Variants in ASXL1 observed in about 807,000 individuals in gnomAD.
ASXL1 encodes polycomb group protein ASXL1.
A neutral mutation model predicts 89.1 loss-of-function variants in ASXL1; 65 were observed. The ratio of observed to expected loss-of-function variants is 0.73; its 90% confidence interval spans 0.60 to 0.90. The LOEUF is 0.90. ASXL1 is among the 40% of genes least tolerant of loss of function. ASXL1 has a pLI of 0.00. For missense variants in ASXL1, 1,786 were observed against 1,942.9 expected (o/e 0.92, Z 1.52); for synonymous variants, 739 against 746.9 (o/e 0.99, Z 0.17).
At chr20:32,379,074 C>G (rs1486587431) in intron 4 of ASXL1, among the ~76,000 whole-genome samples, 1 of 149,520 alleles carries the variant, frequency 6.7e-6, no homozygotes, top group East Asian at 2.0e-4. Flanking sequence ...GAGTGAGACT[C>G]TGTCTCTCAC....
intron 4 of ASXL1, among the ~76,000 whole-genome samples, chr20:32,393,227 T>C (rs910444376): frequency 1.3e-5 from 2 of 152,234 alleles, no homozygotes; most frequent in African/African-American, 2.4e-5. Flanking sequence ...GTCGTCATCT[T>C]GATGAATTGG....
At chr20:32,368,542 A>G (rs1465942865) in intron 3 of ASXL1, among the ~76,000 whole-genome samples, 1 of 152,214 alleles carries the variant, frequency 6.6e-6, no homozygotes, top group African/African-American at 2.4e-5. Flanking sequence ...TTAACTGGAA[A>G]AAAAGTTCTG....
chr20:32,434,620 G>A lies in ASXL1; in HGVS notation c.1908G>A (p.Ala636=), dbSNP rs562455536. The change falls in exon 13 of 13, where the codon GCG becomes GCA. Residue 636 remains alanine (A), a synonymous_variant. Transcript: ENST00000375687. ...GARGHHCHRE[A]ATTAIGGGGG... ...GAGGTCACCACTGCCATAGAGAGGC[G>A]GCCACCACTGCCATCGGAGGGGGGG... is the stretch of plus-strand genomic sequence containing the variant. 2.2e-5 allele frequency: 36 copies of A among 1,609,682 alleles called. No individual in the cohort carries two copies. The highest frequency in any genetic ancestry group is 2.9e-5 in the Non-Finnish European group (34 of 1,177,916).
intron 4 of ASXL1, among the ~76,000 whole-genome samples, chr20:32,379,800 T>C (rs1051612139): frequency 6.6e-6 from 1 of 150,436 alleles, no homozygotes; most frequent in African/African-American, 2.4e-5. Flanking sequence ...CACTCCAGCC[T>C]GGGTGACAGA....
intron 4 of ASXL1, among the ~76,000 whole-genome samples, chr20:32,415,369 TC>T (rs2049120438): frequency 6.6e-6 from 1 of 152,164 alleles, no homozygotes; most frequent in Admixed American, 6.5e-5. Flanking sequence ...CCATGCCCCA[TC>T]CCTTGAGCTG....
chr20:32,381,979 G>A (rs1342125633), intron 4 of ASXL1, among the ~76,000 whole-genome samples: 3 of 109,234 alleles, frequency 2.7e-5, no homozygotes, highest in Non-Finnish European at 3.7e-5. Flanking sequence ...TTTTGAGACA[G>A]AATTTTGGTT....
In ASXL1 at chr20:32,431,382, C is replaced by G. The variant is rs2011507994; in HGVS notation, c.780C>G (p.Val260=). The G allele has an allele frequency of 6.2e-7, 1 of 1,614,074 alleles. No individual in the cohort carries two copies. The highest frequency in any genetic ancestry group is 8.5e-7 in the Non-Finnish European group (1 of 1,180,046). The part of the protein sequence containing the change: ...IDFETPGSIL[V]NTNLRALINS... Reference sequence around the variant, plus strand: ...TTGAGACACCTGGGTCCATTCTTGTCAACACCAACCTCCGTGCCCTGATCA... The same window carrying G: ...TTGAGACACCTGGGTCCATTCTTGTGAACACCAACCTCCGTGCCCTGATCA... The change falls in exon 9 of 13, where the codon GTC becomes GTG. Residue 260 remains valine (V), a synonymous_variant. Transcript: ENST00000375687.
chr20:32,411,031 C>CAAAAAAAAAAAAAAAAAAAAAAA (rs1257482301), intron 4 of ASXL1, among the ~76,000 whole-genome samples: 2 of 27,682 alleles, frequency 7.2e-5, no homozygotes, highest in African/African-American at 2.1e-4. Flanking sequence ...GACTCTGTCT[C>CAAAAAAAAAAAAAAAAAAAAAAA]AAAAAAAAAA....
Position 32,435,511 on chromosome 20 carries a change from T to TG in ASXL1, c.2800dup (p.Ala934GlyfsTer14). 6.2e-7 allele frequency: 1 copy of TG among 1,614,038 alleles called. No individual in the cohort carries two copies. The highest frequency in any genetic ancestry group is 8.5e-7 in the Non-Finnish European group (1 of 1,180,028). On this transcript the variant is annotated frameshift_variant, in exon 13 of 13. Coordinates refer to ENST00000375687, the MANE Select transcript of ASXL1 (RefSeq NM_015338.6). LOFTEE classifies it low-confidence loss of function (END_TRUNC). ...AGGTTGGAGAGGAGTGGGAGAAAGC[T>TG]GCTCCCACCCCTCCTGCATTGCCTG...
At chr20:32,375,670 GT>G (rs1179730324) in intron 4 of ASXL1, among the ~76,000 whole-genome samples, 1 of 149,332 alleles carries the variant, frequency 6.7e-6, no homozygotes, top group African/African-American at 2.4e-5. Context: ...TAAGTAGTTT[GT>G]TTTTTTTGTT....
In ASXL1 at chr20:32,433,529, C is replaced by A. The variant is rs373126831; in HGVS notation, c.1331C>A (p.Ser444Ter). ...GCTAAGGATGCAAAATCTGTGGCCT[C>A]AGATGTTCCCCTCTACAAGGATGGG... ...GVAKDAKSVASDVPLYKDGEA... is the reference protein window; with the variant it reads ...GVAKDAKSVA The change falls in exon 12 of 13, where the codon TCA (serine) becomes TAA (stop). Residue 444 changes from serine (S) to a stop codon, truncating the protein, a stop_gained. Transcript: ENST00000375687. LOFTEE classifies it high-confidence loss of function. The A allele has an allele frequency of 1.2e-6, 2 of 1,614,086 alleles. No homozygotes were observed. The highest frequency in any genetic ancestry group is 1.7e-6 in the Non-Finnish European group (2 of 1,180,042).
At chr20:32,393,040 TATAGAC>T (rs59628237) in intron 4 of ASXL1, among the ~76,000 whole-genome samples, 52,774 of 151,492 alleles carry the variant, frequency 0.35, 10,165 homozygotes, top group East Asian at 0.73. Flanking sequence ...TTCTATCAGT[TATAGAC>T]AGAGGGTGTT....
At position 32,387,535 on chromosome 20, in the gene ASXL1, G is replaced by A. The variant is rs561113762; in HGVS notation, c.252+18412G>A. Among the ~76,000 whole-genome samples the A allele has an allele frequency of 9.8e-5, 15 of 152,286 alleles. No homozygotes were observed. In the South Asian group the frequency reaches 2.9e-3, roughly 29 times the overall value. On this transcript the variant is annotated intron_variant, in intron 4 of 12. Coordinates refer to ENST00000375687, the MANE Select transcript of ASXL1 (RefSeq NM_015338.6). ...TTTTACTTCGATGCATGGTTCTGAA[G>A]TAGAGATGTCTATCTCCTGATGCAC... is the stretch of plus-strand genomic sequence containing the variant.
chr20:32,386,639 AG>A (rs2048583546), intron 4 of ASXL1, among the ~76,000 whole-genome samples: 1 of 152,090 alleles, frequency 6.6e-6, no homozygotes, highest in Admixed American at 6.6e-5. Flanking sequence ...GCTGGTCTCA[AG>A]CTCCTGGCCT....
intron 4 of ASXL1, among the ~76,000 whole-genome samples, chr20:32,378,715 C>T (rs1164430137): frequency 2.6e-5 from 4 of 151,974 alleles, no homozygotes; most frequent in Non-Finnish European, 5.9e-5. Context: ...GACTTTCATG[C>T]TGAAATACTA....
At position 32,429,093 on chromosome 20, in the gene ASXL1, G is replaced by A; in HGVS notation, c.472-245G>A. The A allele has an allele frequency of 3.9e-6, 2 of 514,532 alleles. No individual in the cohort carries two copies. The highest frequency in any genetic ancestry group is 3.0e-5 in the Admixed American group (1 of 33,236). The allele number at this position is 514,532 out of a possible 1,614,324, so 31.9% of individuals were successfully genotyped here. A position where few individuals can be genotyped will look rare whatever the true frequency, so the allele number is the denominator to read the frequency against. On this transcript the variant is annotated intron_variant, in intron 6 of 12. Transcript: ENST00000375687. The surrounding 1 kb of genome is among the most constrained non-coding windows in gnomAD (Gnocchi z 4.9). ...CTGCACTTACTAGCCTTGAGACTTG[G>A]GGAAAATTCCTTACCTGTAAAATGG... is the stretch of plus-strand genomic sequence containing the variant.
In ASXL1 at chr20:32,412,573, T is replaced by C. The variant is rs536185328; in HGVS notation, c.253-15555T>C. On this transcript the variant is annotated intron_variant, in intron 4 of 12. Transcript: ENST00000375687. ...TGTGGGAAAACAAGCACTGTTGCAT[T>C]ACCCTTAAGAAAAGAAATAAATTTT... 2.6e-5 allele frequency among the ~76,000 whole-genome samples: 4 copies of C among 151,790 alleles called. No individual in the cohort carries two copies. The Admixed American group carries it at 2.6e-4, about 10-fold the overall frequency.
rs746812385 is a variant in ASXL1 at position 32,433,287 on chromosome 20, G to T, written c.1089G>T (p.Leu363=). 5 of 1,614,076 alleles carry T rather than the reference G, an allele frequency of 3.1e-6. No homozygotes were observed. The African/African-American group carries it at 5.3e-5, about 17-fold the overall frequency. Residue 363 remains leucine (L), a synonymous_variant, in exon 12 of 13, where the codon CTG becomes CTT. Coordinates refer to ENST00000375687, the MANE Select transcript of ASXL1 (RefSeq NM_015338.6). The part of the protein sequence containing the change: ...KFFEDYYGQK[L]GLTKEESLQQ... The stretch of plus-strand genomic sequence containing the variant: ...TGGCTGTGATTTTGATTTGCAGGCT[G>T]GGTTTGACCAAAGAAGAGTCATTGC...
intron 4 of ASXL1, among the ~76,000 whole-genome samples, chr20:32,384,846 A>G (rs1423846694): frequency 1.3e-5 from 2 of 152,152 alleles, no homozygotes; most frequent in African/African-American, 4.8e-5. Context: ...CAGAGGTGCT[A>G]AAGATGTATT....
Sources: gnomAD v4.1 joint callset for allele counts (sites outside exome capture counted in the v4.1 genomes callset) on GRCh38, gnomAD v4.1.1 for gene constraint, Gnocchi (gnomAD v3.1) non-coding constraint, MANE v1.5 for transcripts, NCBI Gene and HGNC (gene_info 2026-07-23, HGNC 2026-07-21) for gene names.